SAMD12: variants seen among roughly 807,000 people sequenced by gnomAD.
SAMD12 encodes the protein sterile alpha motif domain containing 12.
A neutral mutation model predicts 15.0 loss-of-function variants in SAMD12; 9 were observed. The observed-to-expected ratio is 0.60, with a 90% CI of 0.36 to 1.05. The LOEUF (loss-of-function observed/expected upper bound fraction) is 1.05, where lower values mean the gene tolerates loss of function less well. Among genes scored for constraint, SAMD12 ranks in the 50% least tolerant of loss-of-function variants. SAMD12 has a pLI of 0.01. For missense variants in SAMD12, 230 were observed against 234.2 expected, an observed-to-expected ratio of 0.98 and a Z score of 0.12; for synonymous variants, 86 against 90.1, an observed-to-expected ratio of 0.96 and a Z score of 0.25.
intron 2 of SAMD12, among the ~76,000 whole-genome samples, chr8:118,546,410 A>G (rs1057454389): frequency 6.6e-6 from 1 of 152,156 alleles, no homozygotes; most frequent in South Asian, 2.1e-4. Flanking sequence ...CTTTGTCCAT[A>G]GGATTCTTAT....
chr8:118,370,803 G>A (rs2130678474), intron 4 of SAMD12, among the ~76,000 whole-genome samples: 1 of 152,210 alleles, frequency 6.6e-6, no homozygotes, highest in Non-Finnish European at 1.5e-5. Flanking sequence ...GTGAGGGGAG[G>A]GAGAGCATCA....
chr8:118,543,163 G>C (rs1826031459), intron 2 of SAMD12, among the ~76,000 whole-genome samples: 1 of 152,142 alleles, frequency 6.6e-6, no homozygotes, highest in African/African-American at 2.4e-5. Flanking sequence ...ACCCTTGAAA[G>C]GTCTGTTCCA....
In SAMD12 at chr8:118,608,182, T is replaced by C. The variant is rs1828026069; in HGVS notation, c.13+13622A>G. ...ATCACTCATTTAAGCCTTATAACAT[T>C]ATTATATGGATTTGCCTCCCCATTT... On this transcript the variant is annotated intron_variant, in intron 1 of 3. Coordinates refer to ENST00000314727, the MANE Select transcript of SAMD12 (RefSeq NM_207506.3). Among the ~76,000 whole-genome samples, 6 of 152,044 alleles carry C rather than the reference T, an allele frequency of 3.9e-5. No individual in the cohort carries two copies. In the South Asian group the frequency reaches 1.2e-3, roughly 32 times the overall value.
chr8:118,286,591 C>T (rs1483457256), intron 4 of SAMD12, among the ~76,000 whole-genome samples: 2 of 152,282 alleles, frequency 1.3e-5, no homozygotes, highest in Non-Finnish European at 2.9e-5. Flanking sequence ...GTGTCATAAA[C>T]TGGCAGGGTT....
chr8:118,474,702 A>G (rs1458397543), intron 2 of SAMD12, among the ~76,000 whole-genome samples: 2 of 152,156 alleles, frequency 1.3e-5, no homozygotes, highest in Non-Finnish European at 2.9e-5. Context: ...ACAATGTTTT[A>G]AATGTTTTTC....
chr8:118,423,456 A>C (rs1232915706), intron 3 of SAMD12, among the ~76,000 whole-genome samples: 1 of 152,182 alleles, frequency 6.6e-6, no homozygotes. Flanking sequence ...AGATTTTAGA[A>C]GTTTAACGTT....
intron 4 of SAMD12, among the ~76,000 whole-genome samples, chr8:118,342,258 C>T (rs1817409390): frequency 6.8e-6 from 1 of 147,264 alleles, no homozygotes; most frequent in South Asian, 2.1e-4. Flanking sequence ...TGCCACACTG[C>T]ACACCAGCCT....
At chr8:118,332,513 C>T (rs1163152013) in intron 4 of SAMD12, among the ~76,000 whole-genome samples, 1 of 152,198 alleles carries the variant, frequency 6.6e-6, no homozygotes, top group Non-Finnish European at 1.5e-5. Flanking sequence ...AGTCACAACA[C>T]TGATTACTCT....
intron 4 of SAMD12, among the ~76,000 whole-genome samples, chr8:118,226,897 G>T (rs985890044): frequency 6.6e-6 from 1 of 152,136 alleles, no homozygotes; most frequent in African/African-American, 2.4e-5. Context: ...CAGTGAGAGG[G>T]TGTATAAGTA....
At chr8:118,264,316 T>A (rs928581137) in intron 4 of SAMD12, among the ~76,000 whole-genome samples, 2 of 152,154 alleles carry the variant, frequency 1.3e-5, no homozygotes, top group African/African-American at 4.8e-5. Context: ...CTAGCCATCT[T>A]TTACAAAATT....
intron 2 of SAMD12, among the ~76,000 whole-genome samples, chr8:118,520,050 C>T (rs994565800): frequency 1.3e-5 from 2 of 152,144 alleles, no homozygotes; most frequent in Non-Finnish European, 2.9e-5. Context: ...CCACACTAGA[C>T]AATGCTACAG....
chr8:118,570,251 T>G (rs1337126606), intron 2 of SAMD12, among the ~76,000 whole-genome samples: 1 of 152,222 alleles, frequency 6.6e-6, no homozygotes, highest in Non-Finnish European at 1.5e-5. Context: ...TGTACAGGTT[T>G]GTTATATAGG....
intron 3 of SAMD12, among the ~76,000 whole-genome samples, chr8:118,410,666 T>C (rs188985419): frequency 6.6e-6 from 1 of 152,286 alleles, no homozygotes; most frequent in African/African-American, 2.4e-5. Context: ...TTCTGAGCCA[T>C]ATAGCTAAGT....
the SAMD12 span, among the ~76,000 whole-genome samples, chr8:118,159,703 T>G: frequency 4.5e-5 from 1 of 22,304 alleles, no homozygotes; most frequent in Non-Finnish European, 8.6e-5. Flanking sequence ...ATATAACAAA[T>G]TTTTTCTTTT....
intron 4 of SAMD12, among the ~76,000 whole-genome samples, chr8:118,244,757 G>T (rs1380943044): frequency 6.6e-6 from 1 of 151,950 alleles, no homozygotes; most frequent in African/African-American, 2.4e-5. Context: ...GAGATAGTAA[G>T]AGGAATTTTG....
At chr8:118,601,867 G>A (rs1036584125) in intron 1 of SAMD12, among the ~76,000 whole-genome samples, 13 of 152,282 alleles carry the variant, frequency 8.5e-5, no homozygotes, top group Non-Finnish European at 1.2e-4. Context: ...GGAAAGAGAT[G>A]GCTCTGGAGA....
chr8:118,465,200 A>T (rs1823557881), intron 2 of SAMD12, among the ~76,000 whole-genome samples: 1 of 152,190 alleles, frequency 6.6e-6, no homozygotes, highest in Admixed American at 6.5e-5. Context: ...GGAGGAGCTG[A>T]CCCAGGAGCA....
chr8:118,581,709 TG>T (rs2131260637), intron 1 of SAMD12, among the ~76,000 whole-genome samples: 1 of 152,308 alleles, frequency 6.6e-6, no homozygotes, highest in African/African-American at 2.4e-5. Context: ...TAAATAGCAA[TG>T]AATGTTGTAA....
intron 2 of SAMD12, among the ~76,000 whole-genome samples, chr8:118,528,011 G>C (rs1240704544): frequency 6.8e-6 from 1 of 146,322 alleles, no homozygotes; most frequent in Non-Finnish European, 1.5e-5. Context: ...TACAGTTTTT[G>C]TTCTTTATAA....
Sources: allele counts gnomAD v4.1 joint callset (sites outside exome capture counted in the v4.1 genomes callset), GRCh38; gene constraint gnomAD v4.1.1; transcripts MANE v1.5; gene names NCBI Gene and HGNC (gene_info 2026-07-23, HGNC 2026-07-21).